FUT8: variants seen among roughly 807,000 people sequenced by gnomAD.
FUT8 encodes fucosyltransferase 8.
In FUT8, 29 loss-of-function variants were observed where a neutral mutation model predicts 71.3. The ratio of observed to expected loss-of-function variants is 0.41; its 90% confidence interval spans 0.30 to 0.55. FUT8 has a LOEUF of 0.55. Among genes scored for constraint, FUT8 ranks in the 20% least tolerant of loss-of-function variants. FUT8 has a pLI of 0.34. For synonymous variants in FUT8, 254 were observed against 239.3 expected (o/e 1.06, Z -0.57); for missense variants, 544 against 702.1 (o/e 0.77, Z 2.55).
At chr14:65,673,799 G>T (rs912969581) in intron 7 of FUT8, among the ~76,000 whole-genome samples, 14 of 151,996 alleles carry the variant, frequency 9.2e-5, no homozygotes, top group Admixed American at 2.6e-4. Context: ...CTGTTTTTTT[G>T]ATTTTGGTTT....
intron 8 of FUT8, among the ~76,000 whole-genome samples, 171 bp from the exon 9 acceptor site, chr14:65,723,976 G>C (rs188059732): frequency 3.8e-4 from 58 of 152,276 alleles, no homozygotes; most frequent in African/African-American, 1.3e-3. Context: ...TTTAGAATAT[G>C]TATTTTTGAG....
At chr14:65,462,979 C>T (rs569256743) in intron 2 of FUT8, among the ~76,000 whole-genome samples, 116 of 152,284 alleles carry the variant, frequency 7.6e-4, no homozygotes, top group African/African-American at 2.6e-3. Flanking sequence ...GTAGCCCTTC[C>T]ATCACACACA....
intron 6 of FUT8, among the ~76,000 whole-genome samples, chr14:65,640,580 A>G (rs1890777918): frequency 6.6e-6 from 1 of 152,126 alleles, no homozygotes; most frequent in South Asian, 2.1e-4. Context: ...ATTTGAAGAT[A>G]AGAACTTGGA....
intron 3 of FUT8, among the ~76,000 whole-genome samples, chr14:65,599,625 A>G (rs78209951): frequency 1.3e-5 from 2 of 152,294 alleles, no homozygotes; most frequent in African/African-American, 4.8e-5. Context: ...AGACATCTAG[A>G]GATACTCTTT....
At position 65,439,954 on chromosome 14, in the gene FUT8, G is replaced by GTAAATATA. The variant is rs1378430231; in HGVS notation, c.-325-15665_-325-15664insAATATATA. On this transcript the variant is annotated intron_variant, in intron 1 of 10. Transcript: ENST00000673929. ...ATAAAGAAAATGTGTGTGTGTGTGTGTATATATATATATATATATATATAT... is the reference window on the plus strand; with the variant it reads ...ATAAAGAAAATGTGTGTGTGTGTGTGTAAATATATATATATATATATATATATATATAT... Among the ~76,000 whole-genome samples the GTAAATATA allele has an allele frequency of 9.3e-5, 7 of 74,974 alleles. 1 individual carries two copies. The highest frequency in any genetic ancestry group is 3.5e-4 in the African/African-American group (7 of 19,792). 49.2% of individuals were successfully genotyped at this position (74,974 alleles called of 152,430 possible).
At chr14:65,573,351 A>T (rs903441926) in intron 3 of FUT8, among the ~76,000 whole-genome samples, 6 of 152,292 alleles carry the variant, frequency 3.9e-5, no homozygotes, top group Non-Finnish European at 7.3e-5. Context: ...ATTCATATAT[A>T]ATACCAAAAT....
At chr14:65,715,517 T>C (rs1895010679) in intron 7 of FUT8, among the ~76,000 whole-genome samples, 1 of 152,354 alleles carries the variant, frequency 6.6e-6, no homozygotes, top group East Asian at 1.9e-4. Context: ...TGATTTGCTC[T>C]AGTTTTGTGG....
chr14:65,517,526 T>C (rs1311917103), intron 2 of FUT8, among the ~76,000 whole-genome samples: 4 of 152,186 alleles, frequency 2.6e-5, no homozygotes, highest in Non-Finnish European at 5.9e-5. Context: ...TCCTGAGCAG[T>C]TAGGAGGCAG....
intron 6 of FUT8, among the ~76,000 whole-genome samples, chr14:65,662,640 G>A (rs898340681): frequency 7.9e-5 from 12 of 152,170 alleles, no homozygotes; most frequent in African/African-American, 2.9e-4. Flanking sequence ...AATGTCTCTT[G>A]AAATTATGAG....
At chr14:65,611,215 G>A (rs796257580) in intron 3 of FUT8, among the ~76,000 whole-genome samples, 703 of 4,568 alleles carry the variant, frequency 0.15, 140 homozygotes, top group East Asian at 0.52. Flanking sequence ...GCGCGCGCGC[G>A]CGCGCGCGCA....
intron 7 of FUT8, among the ~76,000 whole-genome samples, chr14:65,677,146 G>GCGCA (rs1892767903): frequency 8.9e-6 from 1 of 112,644 alleles, no homozygotes; most frequent in Non-Finnish European, 1.9e-5. Flanking sequence ...GTGTGTGTGT[G>GCGCA]TGTGTGCGCG....
chr14:65,722,078 CT>C, intron 8 of FUT8, 57 bp downstream of exon 8: 1 of 1,578,794 alleles, frequency 6.3e-7, no homozygotes, highest in African/African-American at 1.4e-5. Flanking sequence ...GGTTATGTAT[CT>C]TTACAATATA....
upstream of FUT8, among the ~76,000 whole-genome samples, chr14:65,408,455 A>G (rs1264102013): frequency 6.6e-6 from 1 of 152,206 alleles, no homozygotes; most frequent in Non-Finnish European, 1.5e-5. Context: ...GTCTGGAAAG[A>G]GAGAGTAAGC....
At chr14:65,689,819 G>GAGCCAC (rs199625768) in intron 7 of FUT8, among the ~76,000 whole-genome samples, 1,895 of 152,346 alleles carry the variant, frequency 0.012, 13 homozygotes, top group South Asian at 0.024. Context: ...TTACAGGCAT[G>GAGCCAC]AGCCACAGCA....
intron 1 of FUT8, among the ~76,000 whole-genome samples, chr14:65,415,230 T>G (rs1361590736): frequency 6.6e-6 from 1 of 152,162 alleles, no homozygotes; most frequent in Non-Finnish European, 1.5e-5. Context: ...GTTTGAACTT[T>G]TAAAACACCC....
At chr14:65,404,043 G>A in the FUT8 span, among the ~76,000 whole-genome samples, 2 of 151,694 alleles carry the variant, frequency 1.3e-5, no homozygotes, top group Admixed American at 6.6e-5. Flanking sequence ...GATTACAGGC[G>A]CTAGTAGAGA....
At chr14:65,357,981 A>G in the FUT8 span, among the ~76,000 whole-genome samples, 2 of 152,222 alleles carry the variant, frequency 1.3e-5, no homozygotes, top group African/African-American at 4.8e-5. Flanking sequence ...TGTGAAATCC[A>G]AAAGAGTTGA....
intron 7 of FUT8, among the ~76,000 whole-genome samples, chr14:65,688,371 G>GT (rs1357755957): frequency 1.4e-4 from 21 of 150,004 alleles, no homozygotes; most frequent in Non-Finnish European, 2.2e-4. Flanking sequence ...ACTGGCTTTT[G>GT]TTTTTTTTAA....
intron 2 of FUT8, among the ~76,000 whole-genome samples, chr14:65,544,689 T>G (rs1180670241): frequency 6.6e-6 from 1 of 150,492 alleles, no homozygotes; most frequent in East Asian, 2.3e-4. Flanking sequence ...AATGTGATTA[T>G]GTGTTTGTAC....
Sources: allele counts gnomAD v4.1 joint callset (sites outside exome capture counted in the v4.1 genomes callset), GRCh38; gene constraint gnomAD v4.1.1; transcripts MANE v1.5; gene names NCBI Gene and HGNC (gene_info 2026-07-23, HGNC 2026-07-21).